The following HOOK3 variants were observed in gnomAD, a reference collection of about 807,000 sequenced individuals.
HOOK3 encodes hook microtubule tethering protein 3.
HOOK3 carries 24 observed loss-of-function variants against 116.3 expected under a neutral mutation model. The ratio of observed to expected loss-of-function variants is 0.21; its 90% confidence interval spans 0.15 to 0.29. HOOK3 has a LOEUF of 0.29. Among genes scored for constraint, HOOK3 ranks in the 10% least tolerant of loss-of-function variants. The pLI is 1.00. For synonymous variants in HOOK3, 275 were observed against 283.0 expected (o/e 0.97, Z 0.28); for missense variants, 632 against 830.2 (o/e 0.76, Z 2.93).
intron 4 of HOOK3, among the ~76,000 whole-genome samples, chr8:42,939,802 C>T (rs1437739763): frequency 1.3e-5 from 2 of 150,588 alleles, no homozygotes; most frequent in Non-Finnish European, 3.0e-5. Flanking sequence ...CCTCACTTCT[C>T]AGACGGGGCG....
chr8:42,960,057 C>T (rs1402664829), intron 8 of HOOK3, among the ~76,000 whole-genome samples: 1 of 151,976 alleles, frequency 6.6e-6, no homozygotes, highest in Admixed American at 6.6e-5. Context: ...AATGTAAGTG[C>T]CATTAATTGC....
At chr8:42,932,295 T>C (rs1807889130) in intron 4 of HOOK3, among the ~76,000 whole-genome samples, 1 of 152,206 alleles carries the variant, frequency 6.6e-6, no homozygotes, top group South Asian at 2.1e-4. Context: ...ACTAGATCTT[T>C]TGGGCTTAGA....
chr8:42,962,733 T>C (rs552053221), intron 8 of HOOK3, among the ~76,000 whole-genome samples: 43 of 151,980 alleles, frequency 2.8e-4, no homozygotes, highest in African/African-American at 1.0e-3. Flanking sequence ...TAGATTCTTT[T>C]TGTCTGTGTG....
intron 8 of HOOK3, among the ~76,000 whole-genome samples, chr8:42,962,057 G>T (rs1194535867): frequency 6.6e-6 from 1 of 151,926 alleles, no homozygotes; most frequent in African/African-American, 2.4e-5. Flanking sequence ...AAAGTGCTGG[G>T]ATTACAGGTG....
chr8:42,922,675 G>C (rs1807679447), intron 2 of HOOK3, among the ~76,000 whole-genome samples: 1 of 152,034 alleles, frequency 6.6e-6, no homozygotes, highest in Admixed American at 6.6e-5. Context: ...GAGGTGGGCG[G>C]ATCACTTGAG....
In HOOK3 at chr8:42,927,094, A is replaced by C. The variant is rs114241496; in HGVS notation, c.216+1465A>C. Among the ~76,000 whole-genome samples the C allele has an allele frequency of 6.0e-3, 910 of 152,316 alleles. 7 individuals carry two copies. Among genetic ancestry groups the C allele is most frequent in the African/African-American group, 0.021 (867 of 41,562 alleles). On this transcript the variant is annotated intron_variant, in intron 3 of 21. Coordinates refer to ENST00000307602, the MANE Select transcript of HOOK3 (RefSeq NM_032410.4). ...TTAACCATGCGAGGCCCCTGAACTT[A>C]AGACATGTTCAGTTTGAGTTGTCTT...
intron 12 of HOOK3, 91 bp downstream of exon 12, chr8:42,973,490 T>C (rs1808763494): frequency 1.3e-6 from 1 of 773,600 alleles, no homozygotes; most frequent in African/African-American, 1.7e-5. Context: ...TCATTTAAGT[T>C]ATGAATTTAA....
In HOOK3 at chr8:42,942,353, A is replaced by G. The variant is rs1262816082; in HGVS notation, c.268-960A>G. ...AAATGTGCATTCAGAAAAGCATACC[A>G]TATGTATATGTACATTTTAAAGGTA... On this transcript the variant is annotated intron_variant, in intron 4 of 21. Coordinates refer to ENST00000307602, the MANE Select transcript of HOOK3 (RefSeq NM_032410.4). 5.9e-5 allele frequency among the ~76,000 whole-genome samples: 9 copies of G among 152,360 alleles called. 1 individual carries two copies. The South Asian group carries it at 1.0e-3, about 18-fold the overall frequency.
rs1807924626 is a variant in HOOK3 at position 42,934,305 on chromosome 8, A to ATGTAACTTTTATATCCTCTTCT, written c.267+4136_267+4157dup. 3.3e-5 allele frequency among the ~76,000 whole-genome samples: 5 copies of ATGTAACTTTTATATCCTCTTCT among 152,160 alleles called. No individual in the cohort carries two copies. In the South Asian group the frequency reaches 1.0e-3, roughly 32 times the overall value. On this transcript the variant is annotated intron_variant, in intron 4 of 21. Coordinates refer to ENST00000307602, the MANE Select transcript of HOOK3 (RefSeq NM_032410.4). The stretch of plus-strand genomic sequence containing the variant: ...TGCAAGAGCGCTTTATGTTTTCTGA[A>ATGTAACTTTTATATCCTCTTCT]TGTAACTTTTATATCCTCTTCTTGC...
At chr8:42,993,118 G>A (rs1809198759) in intron 15 of HOOK3, among the ~76,000 whole-genome samples, 1 of 152,068 alleles carries the variant, frequency 6.6e-6, no homozygotes, top group Non-Finnish European at 1.5e-5. Flanking sequence ...ACATTAGTTG[G>A]TATGAGGATG....
At chr8:42,908,102 A>G (rs1042304235) in intron 2 of HOOK3, among the ~76,000 whole-genome samples, 2 of 152,204 alleles carry the variant, frequency 1.3e-5, no homozygotes, top group African/African-American at 4.8e-5. Flanking sequence ...ATACGTAGGA[A>G]TACATTTAAC....
rs565383758 is a variant in HOOK3, at chr8:42,949,053, AGAG to A, written c.401-1332_401-1330del. 2.4e-4 allele frequency among the ~76,000 whole-genome samples: 36 copies of A among 152,330 alleles called. No homozygotes were observed. In the East Asian group the frequency reaches 6.4e-3, roughly 27 times the overall value. On this transcript the variant is annotated intron_variant, in intron 5 of 21. Coordinates refer to ENST00000307602, the MANE Select transcript of HOOK3 (RefSeq NM_032410.4). ...ATTTATTTTAAATCCTGTGTTGGGT[AGAG>A]GATTACAGTTGTCATTTCAAATACA...
intron 2 of HOOK3, among the ~76,000 whole-genome samples, chr8:42,914,918 A>T (rs1298675284): frequency 6.6e-6 from 1 of 152,198 alleles, no homozygotes; most frequent in Non-Finnish European, 1.5e-5. Context: ...GGACTTCAAG[A>T]TCAGCCTGGC....
chr8:42,964,975 T>C (rs1289044342), intron 9 of HOOK3, among the ~76,000 whole-genome samples: 2 of 152,246 alleles, frequency 1.3e-5, no homozygotes, highest in Non-Finnish European at 2.9e-5. Context: ...CCACCCTCCT[T>C]ATTGTTTGAA....
intron 2 of HOOK3, among the ~76,000 whole-genome samples, chr8:42,922,674 G>A (rs1412669471): frequency 1.3e-5 from 2 of 152,062 alleles, no homozygotes; most frequent in Non-Finnish European, 2.9e-5. Flanking sequence ...TGAGGTGGGC[G>A]GATCACTTGA....
Position 43,020,419 on chromosome 8 carries a change from T to C in HOOK3, c.*1921T>C, listed in dbSNP as rs1809802295. The C allele has an allele frequency of 5.3e-6, 1 of 190,002 alleles. No individual in the cohort carries two copies. Among genetic ancestry groups the C allele is most frequent in the Non-Finnish European group, 1.1e-5 (1 of 90,598 alleles). The allele number at this position is 190,002 out of a possible 1,614,324, so 11.8% of individuals were successfully genotyped here. A position where few individuals can be genotyped will look rare whatever the true frequency, so the allele number is the denominator to read the frequency against. ...AATAGCCTGAGGATCCAACTATTTT[T>C]AAAGCAAATTGGGGCCAGACGTGGT... On this transcript the variant is annotated 3_prime_UTR_variant, in exon 22 of 22. Transcript: ENST00000307602.
intron 4 of HOOK3, among the ~76,000 whole-genome samples, chr8:42,935,352 C>T (rs1807947519): frequency 6.6e-6 from 1 of 152,034 alleles, no homozygotes; most frequent in South Asian, 2.1e-4. Context: ...CCTTTTCACT[C>T]TGAGGATAGT....
chr8:42,981,743 G>C (rs1301790848), intron 13 of HOOK3, among the ~76,000 whole-genome samples: 2 of 151,370 alleles, frequency 1.3e-5, no homozygotes, highest in African/African-American at 4.9e-5. Flanking sequence ...AATTAGCTGG[G>C]CGTGGTGGTG....
chr8:42,924,496 G>A (rs1807725090), intron 2 of HOOK3, among the ~76,000 whole-genome samples: 1 of 151,958 alleles, frequency 6.6e-6, no homozygotes, highest in South Asian at 2.1e-4. Flanking sequence ...AACAGCAATG[G>A]TGTTCAGATG....
Sources: gnomAD v4.1 joint callset for allele counts (sites outside exome capture counted in the v4.1 genomes callset) on GRCh38, gnomAD v4.1.1 for gene constraint, MANE v1.5 for transcripts, NCBI Gene and HGNC (gene_info 2026-07-23, HGNC 2026-07-21) for gene names.